TIAM1: variants seen among roughly 807,000 people sequenced by gnomAD.
TIAM1 encodes TIAM Rac1 associated GEF 1.
Under a neutral mutation model 163.5 loss-of-function variants are expected in TIAM1, and 65 were observed. The ratio of observed to expected loss-of-function variants is 0.40; its 90% CI spans 0.33 to 0.49. The LOEUF is 0.49. Among genes scored for constraint, TIAM1 ranks in the 20% least tolerant of loss-of-function variants. The probability of loss-of-function intolerance (pLI) is 0.77; values close to 1 mark genes in which losing one functional copy is unlikely to be tolerated. For missense variants in TIAM1, 1,789 were observed against 2,044.7 expected (o/e 0.87, Z 2.41); for synonymous variants, 833 against 810.1 (o/e 1.03, Z -0.48).
intron 2 of TIAM1, among the ~76,000 whole-genome samples, chr21:31,394,844 C>T (rs190995619): frequency 2.0e-5 from 3 of 152,122 alleles, no homozygotes; most frequent in African/African-American, 7.2e-5. Context: ...AGTGGGCAAT[C>T]ATTCCCTCCA....
chr21:31,287,128 T>C (rs1046125601), intron 2 of TIAM1, among the ~76,000 whole-genome samples: 2 of 152,220 alleles, frequency 1.3e-5, no homozygotes, highest in African/African-American at 4.8e-5. Flanking sequence ...CAATGGTGTA[T>C]TGGGGTTTAG....
intron 6 of TIAM1, among the ~76,000 whole-genome samples, chr21:31,240,802 C>T (rs756816977): frequency 9.2e-5 from 14 of 151,954 alleles, no homozygotes; most frequent in Admixed American, 3.9e-4. Context: ...TTGGGGAATA[C>T]GATTTCCACA....
At chr21:31,421,329 C>T (rs1476719750) in intron 2 of TIAM1, among the ~76,000 whole-genome samples, 1 of 152,110 alleles carries the variant, frequency 6.6e-6, no homozygotes, top group Non-Finnish European at 1.5e-5. Context: ...GAAGAAGAGT[C>T]GGGAAGAATT....
At chr21:31,413,192 G>T (rs1285418551) in intron 2 of TIAM1, among the ~76,000 whole-genome samples, 2 of 150,628 alleles carry the variant, frequency 1.3e-5, no homozygotes, top group South Asian at 2.1e-4. Context: ...CCACTAATTT[G>T]TATCTCCCTT....
intron 2 of TIAM1, among the ~76,000 whole-genome samples, chr21:31,413,264 CTTTTTTTTTT>C (rs397866519): frequency 1.1e-5 from 1 of 87,876 alleles, no homozygotes; most frequent in Non-Finnish European, 2.0e-5. Context: ...CTTTTCTTTT[CTTTTTTTTTT>C]TTTTTTTTTT....
chr21:31,204,506 A>G (rs879500430), intron 11 of TIAM1, among the ~76,000 whole-genome samples: 2 of 152,248 alleles, frequency 1.3e-5, no homozygotes, highest in Non-Finnish European at 2.9e-5. Flanking sequence ...TACTCTTTCT[A>G]CTTACCCCAC....
intron 1 of TIAM1, among the ~76,000 whole-genome samples, chr21:31,517,707 A>G (rs934864367): frequency 1.3e-5 from 2 of 152,228 alleles, no homozygotes; most frequent in African/African-American, 2.4e-5. Flanking sequence ...AGATGCAAGA[A>G]GGGCACTCTG....
At chr21:31,134,452 A>AC (rs1337038365) in intron 23 of TIAM1, among the ~76,000 whole-genome samples, 3 of 151,868 alleles carry the variant, frequency 2.0e-5, no homozygotes, top group Non-Finnish European at 4.4e-5. Flanking sequence ...TTGTTAAAAT[A>AC]CCCCCAATAT....
At chr21:31,491,285 C>T (rs1304038923) in intron 1 of TIAM1, among the ~76,000 whole-genome samples, 1 of 152,184 alleles carries the variant, frequency 6.6e-6, no homozygotes, top group African/African-American at 2.4e-5. Flanking sequence ...TTGGAACCAC[C>T]ATGTGAGATA....
At position 31,315,470 on chromosome 21, in the gene TIAM1, A is replaced by T. The variant is rs536523944; in HGVS notation, c.-189+23773T>A. Among the ~76,000 whole-genome samples, 7 of 151,340 alleles carry T rather than the reference A, an allele frequency of 4.6e-5. No individual in the cohort carries two copies. In the South Asian group the frequency reaches 1.5e-3, roughly 32 times the overall value. ...GCGGAGCTTGCAGTGAGCCAAGATCACGCCACCGCACTCTAGCCTGGGCAA... is the reference window on the plus strand; with the variant it reads ...GCGGAGCTTGCAGTGAGCCAAGATCTCGCCACCGCACTCTAGCCTGGGCAA... On this transcript the variant is annotated intron_variant, in intron 2 of 27. Transcript: ENST00000541036.
chr21:31,528,960 C>T (rs1336017205), intron 1 of TIAM1, among the ~76,000 whole-genome samples: 6 of 146,852 alleles, frequency 4.1e-5, no homozygotes, highest in African/African-American at 7.5e-5. Flanking sequence ...GAGTCTCAGT[C>T]GCCCAGGCTG....
intron 26 of TIAM1, among the ~76,000 whole-genome samples, chr21:31,125,221 T>TAA (rs397866589): frequency 2.2e-4 from 30 of 137,820 alleles, no homozygotes; most frequent in African/African-American, 6.2e-4. Flanking sequence ...TTCTCATGGT[T>TAA]AAAAAAAAAA....
At chr21:31,207,645 T>C (rs1019908167) in intron 11 of TIAM1, among the ~76,000 whole-genome samples, 2 of 152,230 alleles carry the variant, frequency 1.3e-5, no homozygotes, top group African/African-American at 4.8e-5. Context: ...AGAAGGCACC[T>C]GGCCCTGAGC....
At chr21:31,379,575 A>T (rs2076743931) in intron 2 of TIAM1, among the ~76,000 whole-genome samples, 1 of 152,202 alleles carries the variant, frequency 6.6e-6, no homozygotes, top group Non-Finnish European at 1.5e-5. Flanking sequence ...GCTTGTACAC[A>T]AGTTTCGTAG....
chr21:31,210,748 GAGAAAGAA>G (rs1272829774), intron 10 of TIAM1, among the ~76,000 whole-genome samples: 5,018 of 59,648 alleles, frequency 0.084, 253 homozygotes, highest in Middle Eastern at 0.1. Context: ...GGAAGGAAGG[GAGAAAGAA>G]AGAAAGAAAG....
chr21:31,190,302 T>C (rs891065312), intron 13 of TIAM1, among the ~76,000 whole-genome samples: 3 of 152,042 alleles, frequency 2.0e-5, no homozygotes, highest in South Asian at 2.1e-4. Flanking sequence ...TCCCAGCTAC[T>C]TGGGAGGCTG....
In TIAM1 at chr21:31,299,451, C is replaced by T. The variant is rs191817538; in HGVS notation, c.-188-22543G>A. ...TTGTTGGGACTTGCACTGTTTGTTA[C>T]GTATGTTCAATTTATAATGGAGTTT... is the stretch of plus-strand genomic sequence containing the variant. On this transcript the variant is annotated intron_variant, in intron 2 of 27. Coordinates refer to ENST00000541036, the MANE Select transcript of TIAM1 (RefSeq NM_001353694.2). Among the ~76,000 whole-genome samples, 221 of 152,282 alleles carry T rather than the reference C, an allele frequency of 1.5e-3. 1 individual carries two copies. Among genetic ancestry groups the T allele is most frequent in the African/African-American group, 5.1e-3 (213 of 41,568 alleles).
chr21:31,347,876 T>G (rs1179244314), upstream of TIAM1, among the ~76,000 whole-genome samples: 1 of 152,040 alleles, frequency 6.6e-6, no homozygotes. Context: ...GAATTGTTAG[T>G]GGATATTTGC....
At chr21:31,253,314 G>A (rs1204395444) in intron 4 of TIAM1, among the ~76,000 whole-genome samples, 1 of 152,176 alleles carries the variant, frequency 6.6e-6, no homozygotes, top group Non-Finnish European at 1.5e-5. Context: ...GGGGCCTTTA[G>A]TCTCACAAAT....
Sources: allele counts gnomAD v4.1 joint callset (sites outside exome capture counted in the v4.1 genomes callset), GRCh38; gene constraint gnomAD v4.1.1; transcripts MANE v1.5; gene names NCBI Gene and HGNC (gene_info 2026-07-23, HGNC 2026-07-21).